Variants in DCAF8L2 observed in about 807,000 individuals in gnomAD.
The protein encoded by DCAF8L2 is DDB1- and CUL4-associated factor 8-like protein 2.
For synonymous variants in DCAF8L2, 200 were observed against 190.9 expected (o/e 1.05, Z -0.39); for missense variants, 430 against 490.7 (o/e 0.88, Z 1.17).
chrX:27,598,290 A>C (rs183331681), intron 1 of DCAF8L2, among the ~76,000 whole-genome samples: 1 of 112,772 alleles, frequency 8.9e-6, no homozygotes, highest in East Asian at 2.8e-4. Flanking sequence ...TATGAATTTT[A>C]TAAGTATAAT....
chrX:27,532,715 T>C, the DCAF8L2 span, among the ~76,000 whole-genome samples: 1 of 103,738 alleles, frequency 9.6e-6, no homozygotes, highest in African/African-American at 3.5e-5. Flanking sequence ...CTAGGCAACA[T>C]AGTGAGACCC....
chrX:27,615,471 T>C (rs1415603958), intron 1 of DCAF8L2, among the ~76,000 whole-genome samples: 2 of 111,194 alleles, frequency 1.8e-5, no homozygotes, highest in Admixed American at 1.9e-4. Context: ...TAAATATTTT[T>C]GAATTTTTTT....
At chrX:27,692,853 G>A (rs767458711) in intron 3 of DCAF8L2, among the ~76,000 whole-genome samples, 1 of 111,050 alleles carries the variant, frequency 9.0e-6, no homozygotes, top group Non-Finnish European at 1.9e-5. Flanking sequence ...CAGGAAGTCT[G>A]CTAAACATCC....
the DCAF8L2 span, among the ~76,000 whole-genome samples, chrX:27,545,324 A>T: frequency 5.4e-5 from 6 of 111,842 alleles, no homozygotes; most frequent in African/African-American, 1.9e-4. Context: ...GTGAATAATA[A>T]TGGAAGCCAA....
rs910611444 is a variant in DCAF8L2 at position 27,605,108 on chromosome X, T to C, written c.-342+14668T>C. 2.7e-5 allele frequency among the ~76,000 whole-genome samples: 3 copies of C among 111,380 alleles called. No individual in the cohort carries two copies. In the Admixed American group the frequency reaches 2.9e-4, roughly 11 times the overall value. On this transcript the variant is annotated intron_variant, in intron 1 of 4. Coordinates refer to ENST00000451261, the MANE Select transcript of DCAF8L2 (RefSeq NM_001353450.2). Reference sequence around the variant, plus strand: ...GCTATGAGGTTGGACCTGTGTTATATATCTGGGATATATTTGGGAAGCTGT... The same window carrying C: ...GCTATGAGGTTGGACCTGTGTTATACATCTGGGATATATTTGGGAAGCTGT...
chrX:27,602,749 A>G (rs1393462466), intron 1 of DCAF8L2, among the ~76,000 whole-genome samples: 1 of 112,002 alleles, frequency 8.9e-6, no homozygotes, highest in Non-Finnish European at 1.9e-5. Flanking sequence ...TGAAATTCAC[A>G]TGATTTGTGT....
chrX:27,469,637 A>C, the DCAF8L2 span, among the ~76,000 whole-genome samples: 91 of 112,147 alleles, frequency 8.1e-4, no homozygotes, highest in African/African-American at 2.6e-3. Flanking sequence ...CAAAAATTTC[A>C]TGATAAATAG....
At chrX:27,668,871 G>A (rs1929838229) in intron 2 of DCAF8L2, among the ~76,000 whole-genome samples, 1 of 109,521 alleles carries the variant, frequency 9.1e-6, no homozygotes, top group Non-Finnish European at 1.9e-5. Context: ...GGAGGTGGAG[G>A]TTGCAGTGAG....
intron 1 of DCAF8L2, among the ~76,000 whole-genome samples, chrX:27,612,377 T>A (rs991034769): frequency 8.9e-6 from 1 of 112,253 alleles, no homozygotes; most frequent in African/African-American, 3.2e-5. Context: ...TGCAAAAATG[T>A]TCTCCCGTTC....
chrX:27,710,303 A>AT (rs760885422), intron 3 of DCAF8L2, among the ~76,000 whole-genome samples: 1 of 111,519 alleles, frequency 9.0e-6, no homozygotes, highest in East Asian at 2.8e-4. Context: ...CCTAAAATCA[A>AT]TTTTCCAATT....
intron 2 of DCAF8L2, among the ~76,000 whole-genome samples, chrX:27,641,052 C>A (rs1169000425): frequency 9.0e-6 from 1 of 111,707 alleles, no homozygotes; most frequent in Non-Finnish European, 1.9e-5. Context: ...AGTTTATTTC[C>A]ATAGCTGTTA....
At chrX:27,606,339 A>T (rs1205969937) in intron 1 of DCAF8L2, among the ~76,000 whole-genome samples, 1 of 47,050 alleles carries the variant, frequency 2.1e-5, no homozygotes, top group Non-Finnish European at 3.7e-5. Context: ...TATATATAGG[A>T]ATTATATATA....
At chrX:27,725,611 A>G (rs6630567) in intron 4 of DCAF8L2, among the ~76,000 whole-genome samples, 11,675 of 109,930 alleles carry the variant, frequency 0.11, 603 homozygotes, top group East Asian at 0.34. Context: ...GATGGGTCCA[A>G]TAATATACAT....
the DCAF8L2 span, among the ~76,000 whole-genome samples, chrX:27,582,623 G>A: frequency 9.0e-6 from 1 of 111,132 alleles, no homozygotes. Context: ...CATCAGTGGG[G>A]CTCATTATAT....
chrX:27,716,755 G>A (rs752405236), intron 4 of DCAF8L2, among the ~76,000 whole-genome samples: 1 of 111,966 alleles, frequency 8.9e-6, no homozygotes, highest in South Asian at 3.7e-4. Context: ...AGTTCTGGGG[G>A]ACATGTGCAG....
intron 2 of DCAF8L2, among the ~76,000 whole-genome samples, chrX:27,655,722 A>G (rs769677307): frequency 2.1e-4 from 24 of 111,648 alleles, no homozygotes; most frequent in African/African-American, 6.8e-4. Flanking sequence ...CAGTTTTATC[A>G]TGTAGTCGTT....
chrX:27,519,166 G>A, the DCAF8L2 span: 124 of 1,142,060 alleles, frequency 1.1e-4, no homozygotes, highest in Admixed American at 1.2e-3. Flanking sequence ...AAAGGAAAAG[G>A]AAAGAATAGA....
chrX:27,553,097 T>C, the DCAF8L2 span, among the ~76,000 whole-genome samples: 1 of 111,896 alleles, frequency 8.9e-6, no homozygotes, highest in East Asian at 2.8e-4. Flanking sequence ...ATGCTACAGA[T>C]TTTTGTATGT....
chrX:27,717,545 C>G (rs1303784862), intron 4 of DCAF8L2, among the ~76,000 whole-genome samples: 3 of 112,108 alleles, frequency 2.7e-5, no homozygotes, highest in Non-Finnish European at 3.8e-5. Context: ...TGAGAAGTGT[C>G]TGTTCATGTC....
Sources: gnomAD v4.1 joint callset for allele counts (sites outside exome capture counted in the v4.1 genomes callset) on GRCh38, gnomAD v4.1.1 for gene constraint, MANE v1.5 for transcripts, NCBI Gene and HGNC (gene_info 2026-07-23, HGNC 2026-07-21) for gene names.